The following TBC1D17 variants were observed in gnomAD, a reference collection of about 807,000 sequenced individuals.
The protein encoded by TBC1D17 is TBC1 domain family member 17.
Under a neutral mutation model 78.8 loss-of-function variants are expected in TBC1D17, and 69 were observed. The observed-to-expected ratio is 0.88, with a 90% CI of 0.72 to 1.07. TBC1D17 has a LOEUF of 1.07. Among genes scored for constraint, TBC1D17 ranks in the 50% least tolerant of loss-of-function variants. TBC1D17 has a pLI of 0.00. For synonymous variants in TBC1D17, 456 were observed against 358.3 expected (o/e 1.27, Z -3.08); for missense variants, 957 against 861.0 (o/e 1.11, Z -1.39).
chr19:49,888,180 G>A, intron 15 of TBC1D17, 51 bp from the exon 16 acceptor site: 2 of 1,551,284 alleles, frequency 1.3e-6, no homozygotes, highest in East Asian at 2.4e-5. Flanking sequence ...GTGGGCGCTC[G>A]GGCGGAGGTG....
rs976052790 is a variant in TBC1D17, at chr19:49,878,566, C to G, written c.189C>G (p.Ser63=). The change falls in exon 3 of 17, where the codon TCC becomes TCG. Residue 63 remains serine (S), a synonymous_variant. Coordinates refer to ENST00000221543, the MANE Select transcript of TBC1D17 (RefSeq NM_024682.3). ...EAGDSTQILF[S]KKDSSGGDSC... is the part of the protein sequence containing the mutation. ...GAGATTCCACCCAAATCCTCTTCTC[C>G]AAGAAGGTAGGCTCCACCCGCTTTG... The G allele has an allele frequency of 1.9e-6, 3 of 1,613,918 alleles. No individual in the cohort carries two copies. Among genetic ancestry groups the G allele is most frequent in the Admixed American group, 3.3e-5 (2 of 59,998 alleles).
At chr19:49,888,023 C>T (rs1361455273) in intron 15 of TBC1D17, 189 bp downstream of exon 15, 12 of 976,810 alleles carry the variant, frequency 1.2e-5, no homozygotes, top group African/African-American at 4.9e-5. Flanking sequence ...CAAGGTCCTC[C>T]GGGCAGGTGG....
intron 5 of TBC1D17, among the ~76,000 whole-genome samples, chr19:49,881,765 C>G (rs914577401): frequency 6.6e-6 from 1 of 152,214 alleles, no homozygotes; most frequent in African/African-American, 2.4e-5. Context: ...TCTTTCCCCA[C>G]GTTCCAACAA....
At chr19:49,885,011 C>T (rs1051891798) in intron 13 of TBC1D17, among the ~76,000 whole-genome samples, 1 of 152,230 alleles carries the variant, frequency 6.6e-6, no homozygotes, top group Admixed American at 6.5e-5. Context: ...TTTGGCTTAA[C>T]CTGCAGGGTA....
At chr19:49,879,397 C>G (rs2122423854) in intron 3 of TBC1D17, 1 of 152,302 alleles carries the variant, frequency 6.6e-6, no homozygotes. Context: ...CTGCGCTGCC[C>G]CAGGGCAGGA....
At chr19:49,881,720 C>T (rs1346397775) in intron 5 of TBC1D17, among the ~76,000 whole-genome samples, 1 of 152,200 alleles carries the variant, frequency 6.6e-6, no homozygotes, top group East Asian at 1.9e-4. Flanking sequence ...GCCCCAGTAT[C>T]CGTGGCTTAA....
rs1405376671 is a variant in TBC1D17, at chr19:49,888,270, G to C, written c.1699G>C (p.Val567Leu). 3.1e-6 allele frequency: 5 copies of C among 1,593,830 alleles called. No individual in the cohort carries two copies. Among genetic ancestry groups the C allele is most frequent in the Non-Finnish European group, 3.4e-6 (4 of 1,171,080 alleles). Reference protein sequence around the residue: ...ELTMKLSVEDVLTRAEALHRQ... With the variant: ...ELTMKLSVEDLLTRAEALHRQ... ...GACTATGAAGCTGAGCGTGGAGGAC[G>C]TGCTGACCCGCGCCGAGGCCCTGCA... Residue 567 changes from valine to leucine, a missense_variant, in exon 16 of 17, where the codon GTG becomes CTG. Coordinates refer to ENST00000221543, the MANE Select transcript of TBC1D17 (RefSeq NM_024682.3).
At chr19:49,887,611 G>T in intron 14 of TBC1D17, 38 bp downstream of exon 14, 1 of 1,612,008 alleles carries the variant, frequency 6.2e-7, no homozygotes, top group South Asian at 1.1e-5. Flanking sequence ...CTGAAGGGGT[G>T]GGCTCACCTG....
In TBC1D17 at chr19:49,884,353, G is replaced by A. The variant is rs1321275363; in HGVS notation, c.1227G>A (p.Met409Ile). Residue 409 changes from methionine to isoleucine, a missense_variant, in exon 11 of 17, where the codon ATG (methionine) becomes ATA (isoleucine). Transcript: ENST00000221543. ...ACGATATCCTCCTCACCTACTGCAT[G>A]TATCACTTCGACCTCGGTGGGTGCC... ...LLNDILLTYC[M>I]YHFDLGYVQG... 3.7e-6 allele frequency: 6 copies of A among 1,613,984 alleles called. No homozygotes were observed. Among genetic ancestry groups the A allele is most frequent in the Non-Finnish European group, 5.1e-6 (6 of 1,180,030 alleles).
intron 3 of TBC1D17, 97 bp downstream of exon 3, chr19:49,878,669 C>T (rs2074982574): frequency 1.7e-6 from 2 of 1,181,986 alleles, no homozygotes; most frequent in African/African-American, 1.5e-5. Context: ...CCCAGACCTA[C>T]TCGTGGGGCA....
At position 49,882,391 on chromosome 19, in the gene TBC1D17, C is replaced by T. The variant is rs1387077941; in HGVS notation, c.789C>T (p.Val263=). 1.2e-6 allele frequency: 2 copies of T among 1,605,414 alleles called. No homozygotes were observed. The highest frequency in any genetic ancestry group is 1.7e-6 in the Non-Finnish European group (2 of 1,179,346). Residue 263 remains valine (V), a synonymous_variant, in exon 7 of 17, where the codon GTC becomes GTT. Transcript: ENST00000221543. The part of the protein sequence containing the change: ...PDDEPEPGFE[V]ISCVELGPRP... ...ATGAGCCCGAGCCTGGATTCGAGGT[C>T]ATTTCCTGTGTGAGTAGTGAGTGGA... is the stretch of plus-strand genomic sequence containing the variant.
intron 15 of TBC1D17, 60 bp from the exon 16 acceptor site, chr19:49,888,171 T>G (rs1568679520): frequency 6.5e-7 from 1 of 1,549,778 alleles, no homozygotes; most frequent in Admixed American, 2.0e-5. Flanking sequence ...AAGCACAGAG[T>G]GGGCGCTCGG....
chr19:49,881,187 G>A lies in TBC1D17; in HGVS notation c.320-81G>A, dbSNP rs12609902. 17,000 of 1,314,462 alleles carry A rather than the reference G, an allele frequency of 0.013. 884 individuals carry two copies. In the Admixed American group the frequency reaches 0.13, roughly 10 times the overall value. The allele number at this position is 1,314,462 out of a possible 1,614,324, so 81.4% of individuals were successfully genotyped here. A position where few individuals can be genotyped will look rare whatever the true frequency, so the allele number is the denominator to read the frequency against. ...GGGGCCCTCAGGAGATGCCTGTGCC[G>A]AAGGAACATCCTGGGTTGTGGTTGA... On this transcript the variant is annotated intron_variant, in intron 4 of 16. Transcript: ENST00000221543.
chr19:49,887,054 C>T (rs2075064212), intron 13 of TBC1D17: 1 of 221,774 alleles, frequency 4.5e-6, no homozygotes, highest in South Asian at 6.0e-5. Context: ...CCTGGCTGGT[C>T]TCGAACTCCT....
chr19:49,888,147 T>C, intron 15 of TBC1D17, 84 bp from the exon 16 acceptor site: 1 of 1,545,782 alleles, frequency 6.5e-7, no homozygotes, highest in Non-Finnish European at 8.7e-7. Flanking sequence ...GTGTCTTCAT[T>C]GTTTCCCAGC....
rs1335046978 is a variant in TBC1D17 at position 49,884,459 on chromosome 19, G to C, written c.1244G>C (p.Gly415Ala). 1 of 1,614,158 alleles carries C rather than the reference G, an allele frequency of 6.2e-7. No homozygotes were observed. The highest frequency in any genetic ancestry group is 8.5e-7 in the Non-Finnish European group (1 of 1,180,020). ...GCAGCCTGACCCCATGTCCCCCCAG[G>C]CTACGTCCAGGGCATGAGTGATCTT... is the stretch of plus-strand genomic sequence containing the variant. ...LTYCMYHFDL[G>A]YVQGMSDLLS... is the part of the protein sequence containing the mutation. The change falls in exon 12 of 17, where the codon GGC becomes GCC. Residue 415 changes from glycine (G) to alanine (A), a missense_variant and splice_region_variant. By Grantham distance (60) the Gly-to-Ala change is moderately conservative. Coordinates refer to ENST00000221543, the MANE Select transcript of TBC1D17 (RefSeq NM_024682.3).
At chr19:49,878,310 C>T (rs2074978445) in intron 2 of TBC1D17, 69 bp downstream of exon 2, 2 of 1,450,200 alleles carry the variant, frequency 1.4e-6, no homozygotes, top group Admixed American at 2.0e-5. Context: ...ATGCAGGCGG[C>T]AGCTGTAGGA....
chr19:49,878,794 T>TG (rs992458347), intron 3 of TBC1D17: 1 of 545,270 alleles, frequency 1.8e-6, no homozygotes, highest in African/African-American at 1.9e-5. Flanking sequence ...CGCACGGTCG[T>TG]GGGGACGGCT....
At chr19:49,888,179 C>T (rs1226483840) in intron 15 of TBC1D17, 52 bp from the exon 16 acceptor site, 1 of 1,550,924 alleles carries the variant, frequency 6.4e-7, no homozygotes, top group Non-Finnish European at 8.7e-7. Flanking sequence ...AGTGGGCGCT[C>T]GGGCGGAGGT....
Sources: gnomAD v4.1 joint callset for allele counts (sites outside exome capture counted in the v4.1 genomes callset) on GRCh38, gnomAD v4.1.1 for gene constraint, MANE v1.5 for transcripts, NCBI Gene and HGNC (gene_info 2026-07-23, HGNC 2026-07-21) for gene names.